POU3F3: variants seen among roughly 807,000 people sequenced by gnomAD.
POU3F3 encodes POU class 3 homeobox 3.
Under a neutral mutation model 8.6 loss-of-function variants are expected in POU3F3, and 1 was observed. The observed-to-expected ratio is 0.12, with a 90% CI of 0.04 to 0.55. The LOEUF is 0.55. POU3F3 is among the 20% of genes least tolerant of loss of function. POU3F3 has a pLI of 0.91. For missense variants in POU3F3, 577 were observed against 690.7 expected (o/e 0.84, Z 1.84); for synonymous variants, 418 against 327.4 (o/e 1.28, Z -2.99).
the POU3F3 span, among the ~76,000 whole-genome samples, chr2:104,882,323 T>G: frequency 1.3e-5 from 2 of 148,756 alleles, no homozygotes. Flanking sequence ...CTCGGCTCAC[T>G]GCACTGCAAC....
chr2:104,927,167 A>C, the POU3F3 span, among the ~76,000 whole-genome samples: 1 of 152,168 alleles, frequency 6.6e-6, no homozygotes, highest in Non-Finnish European at 1.5e-5. Context: ...TCTCTCTGGC[A>C]TCTCTTTTAT....
the POU3F3 span, among the ~76,000 whole-genome samples, chr2:104,891,915 A>T: frequency 6.6e-6 from 1 of 152,216 alleles, no homozygotes; most frequent in Non-Finnish European, 1.5e-5. Context: ...GGTTGGATAA[A>T]TACATTATTT....
At chr2:104,905,160 A>G in the POU3F3 span, among the ~76,000 whole-genome samples, 1 of 152,154 alleles carries the variant, frequency 6.6e-6, no homozygotes, top group African/African-American at 2.4e-5. Context: ...TAGCTCAATA[A>G]CACGACCTTT....
the POU3F3 span, among the ~76,000 whole-genome samples, chr2:104,918,744 C>G: frequency 5.5e-4 from 84 of 152,176 alleles, 1 homozygote; most frequent in South Asian, 7.3e-3. Flanking sequence ...GGAGATGACA[C>G]TAAGCCACAT....
At chr2:104,899,681 C>CT in the POU3F3 span, among the ~76,000 whole-genome samples, 2 of 152,188 alleles carry the variant, frequency 1.3e-5, no homozygotes, top group African/African-American at 4.8e-5. Context: ...TTTAAAATGT[C>CT]TTTTGCTGTT....
chr2:104,920,441 T>A, the POU3F3 span, among the ~76,000 whole-genome samples: 1 of 152,172 alleles, frequency 6.6e-6, no homozygotes, highest in Non-Finnish European at 1.5e-5. Flanking sequence ...CCAATGTGAA[T>A]TTATCTCTCC....
chr2:104,855,295 CGGCGGCGGCGGCGGCGGCGGGGGCGGA>C lies in POU3F3; in HGVS notation c.-204_-178del, dbSNP rs1676527576. 3.4e-5 allele frequency among the ~76,000 whole-genome samples: 5 copies of C among 146,216 alleles called. No individual in the cohort carries two copies. Among genetic ancestry groups the C allele is most frequent in the Admixed American group, 2.0e-4 (3 of 14,742 alleles). ...GCCTTGCAGCTGCAGCCGGGGGCCG[CGGCGGCGGCGGCGGCGGCGGGGGCGGA>C]GGCGGCGGCGGAGGAGGAGGCGGCG... On this transcript the variant is annotated 5_prime_UTR_variant, in exon 1 of 1. Transcript: ENST00000361360.
chr2:104,880,202 A>T, the POU3F3 span, among the ~76,000 whole-genome samples: 4 of 151,848 alleles, frequency 2.6e-5, no homozygotes, highest in African/African-American at 9.7e-5. Flanking sequence ...GCCCCCCACC[A>T]CATAGACAGA....
the POU3F3 span, among the ~76,000 whole-genome samples, chr2:104,869,324 G>A: frequency 6.6e-6 from 1 of 152,250 alleles, no homozygotes; most frequent in South Asian, 2.1e-4. Flanking sequence ...GCCCTAGGAG[G>A]GGATAGGTTT....
the POU3F3 span, among the ~76,000 whole-genome samples, chr2:104,886,848 C>T: frequency 2.0e-5 from 3 of 151,952 alleles, no homozygotes; most frequent in Non-Finnish European, 4.4e-5. Flanking sequence ...GCAGAGGTTG[C>T]GGTGAGCTGA....
chr2:104,890,109 G>A, the POU3F3 span, among the ~76,000 whole-genome samples: 609 of 152,228 alleles, frequency 4.0e-3, 4 homozygotes, highest in Non-Finnish European at 5.9e-3. Context: ...AAGCGAGATA[G>A]CCAAGTAAAA....
chr2:104,883,475 T>G, the POU3F3 span, among the ~76,000 whole-genome samples: 1 of 152,330 alleles, frequency 6.6e-6, no homozygotes, highest in East Asian at 1.9e-4. Context: ...CAGCAGGTCT[T>G]TCCTCTGTGG....
the POU3F3 span, among the ~76,000 whole-genome samples, chr2:104,920,172 G>A: frequency 3.3e-5 from 5 of 152,228 alleles, no homozygotes; most frequent in East Asian, 9.7e-4. Flanking sequence ...ATGCCATCAC[G>A]CCCAGCTAAC....
chr2:104,870,825 G>A, the POU3F3 span, among the ~76,000 whole-genome samples: 2 of 152,194 alleles, frequency 1.3e-5, no homozygotes, highest in African/African-American at 4.8e-5. Context: ...TCAATCAAGA[G>A]GCAAGGAGGG....
the POU3F3 span, among the ~76,000 whole-genome samples, chr2:104,886,208 C>G: frequency 6.6e-6 from 1 of 152,138 alleles, no homozygotes; most frequent in African/African-American, 2.4e-5. Flanking sequence ...ATCGGGACCC[C>G]TTTCCAGTAA....
the POU3F3 span, among the ~76,000 whole-genome samples, chr2:104,901,630 G>A: frequency 6.6e-6 from 1 of 152,224 alleles, no homozygotes; most frequent in East Asian, 1.9e-4. Context: ...GAGGGGAACT[G>A]CTCACATAAC....
At chr2:104,927,190 C>A in the POU3F3 span, among the ~76,000 whole-genome samples, 1 of 152,114 alleles carries the variant, frequency 6.6e-6, no homozygotes, top group South Asian at 2.1e-4. Flanking sequence ...GGGCACTAAT[C>A]CCACTCATGA....
the POU3F3 span, among the ~76,000 whole-genome samples, chr2:104,886,481 T>G: frequency 6.6e-6 from 1 of 152,140 alleles, no homozygotes; most frequent in Non-Finnish European, 1.5e-5. Context: ...CATTCTGTGA[T>G]GTTTGCACAA....
At chr2:104,893,739 C>T in the POU3F3 span, among the ~76,000 whole-genome samples, 2 of 151,930 alleles carry the variant, frequency 1.3e-5, no homozygotes, top group Admixed American at 6.6e-5. Context: ...AAAAATGAGC[C>T]GGGCATGGTG....
Sources: allele counts gnomAD v4.1 joint callset (sites outside exome capture counted in the v4.1 genomes callset), GRCh38; gene constraint gnomAD v4.1.1; transcripts MANE v1.5; gene names NCBI Gene and HGNC (gene_info 2026-07-23, HGNC 2026-07-21).